The following SLC13A3 variants were observed in gnomAD, a reference collection of about 807,000 sequenced individuals.
The protein encoded by SLC13A3 is Na(+)/dicarboxylate cotransporter 3.
In SLC13A3, 40 loss-of-function variants were observed where a neutral mutation model predicts 59.0. That is an observed-to-expected ratio of 0.68 (90% CI 0.53 to 0.88). The LOEUF (loss-of-function observed/expected upper bound fraction) is 0.88, where lower values mean the gene tolerates loss of function less well. SLC13A3 is among the 40% of genes least tolerant of loss of function. The probability of loss-of-function intolerance (pLI) is 0.00; values close to 1 mark genes in which losing one functional copy is unlikely to be tolerated. For missense variants in SLC13A3, 699 were observed against 783.2 expected, an observed-to-expected ratio of 0.89 and a Z score of 1.28; for synonymous variants, 317 against 330.3, an observed-to-expected ratio of 0.96 and a Z score of 0.44.
At chr20:46,632,834 C>T (rs1201858052) in intron 1 of SLC13A3, among the ~76,000 whole-genome samples, 1 of 151,346 alleles carries the variant, frequency 6.6e-6, no homozygotes, top group African/African-American at 2.4e-5. Flanking sequence ...TCTCTCTCTC[C>T]CTTCCTTCCT....
At chr20:46,566,738 C>T (rs908352343) in intron 10 of SLC13A3, among the ~76,000 whole-genome samples, 12 of 151,912 alleles carry the variant, frequency 7.9e-5, no homozygotes, top group African/African-American at 2.7e-4. Flanking sequence ...CTTCTCATCC[C>T]TCCAGTGAAG....
chr20:46,680,426 A>T lies in SLC13A3; in HGVS notation c.-31+3970T>A, dbSNP rs549414741. Among the ~76,000 whole-genome samples, 9 of 152,224 alleles carry T rather than the reference A, an allele frequency of 5.9e-5. No homozygotes were observed. In the East Asian group the frequency reaches 1.3e-3, roughly 23 times the overall value. On this transcript the variant is annotated intron_variant, in intron 1 of 6. Transcript: ENST00000372121. The stretch of plus-strand genomic sequence containing the variant: ...CTGCTCCACGTACCTCCTTATATGG[A>T]TGCTTGTGGTGGACATGGATGTGCG...
intron 1 of SLC13A3, among the ~76,000 whole-genome samples, chr20:46,624,651 T>C (rs2062650123): frequency 6.6e-6 from 1 of 152,204 alleles, no homozygotes; most frequent in Non-Finnish European, 1.5e-5. Context: ...CATGCACTAT[T>C]TGGGATATAC....
intron 1 of SLC13A3, among the ~76,000 whole-genome samples, chr20:46,619,107 G>A (rs1489891845): frequency 1.3e-5 from 2 of 152,108 alleles, no homozygotes; most frequent in Non-Finnish European, 1.5e-5. Context: ...GTTGTCTCAG[G>A]GTCCTTCTGA....
chr20:46,655,396 C>T (rs981286442), upstream of SLC13A3, among the ~76,000 whole-genome samples: 7 of 149,398 alleles, frequency 4.7e-5, no homozygotes, highest in African/African-American at 1.7e-4. Flanking sequence ...GTTTAATTAG[C>T]TCATGGTTAT....
At chr20:46,601,851 G>C (rs769222095) in intron 3 of SLC13A3, among the ~76,000 whole-genome samples, 1 of 152,120 alleles carries the variant, frequency 6.6e-6, no homozygotes, top group Non-Finnish European at 1.5e-5. Context: ...AGGGGCCAGA[G>C]GGAGGAGAAG....
chr20:46,582,135 T>A (rs900406143), intron 9 of SLC13A3, among the ~76,000 whole-genome samples: 3 of 151,728 alleles, frequency 2.0e-5, no homozygotes, highest in African/African-American at 4.8e-5. Context: ...CAAAAAAAAT[T>A]TTTTTGAGAC....
At chr20:46,660,566 T>C (rs958282554) in intron 1 of SLC13A3, among the ~76,000 whole-genome samples, 1 of 152,216 alleles carries the variant, frequency 6.6e-6, no homozygotes, top group Non-Finnish European at 1.5e-5. Context: ...TTGTAAGATC[T>C]CTTTATCTTT....
At chr20:46,582,692 A>T in intron 9 of SLC13A3, 1 of 985,090 alleles carries the variant, frequency 1.0e-6, no homozygotes, top group Non-Finnish European at 1.2e-6. Flanking sequence ...TACTCCCCAC[A>T]CTCAAACCCT....
At chr20:46,633,003 A>C (rs550868948) in intron 1 of SLC13A3, among the ~76,000 whole-genome samples, 1 of 151,632 alleles carries the variant, frequency 6.6e-6, no homozygotes, top group Admixed American at 6.6e-5. Context: ...TCTATCATCT[A>C]TCTATCTGGA....
intron 1 of SLC13A3, among the ~76,000 whole-genome samples, chr20:46,648,685 G>T (rs187862206): frequency 6.6e-6 from 1 of 152,126 alleles, no homozygotes; most frequent in Admixed American, 6.5e-5. Flanking sequence ...CTGGTGGATC[G>T]CTTGAGTCTA....
upstream of SLC13A3, among the ~76,000 whole-genome samples, chr20:46,670,761 GA>G (rs1246957101): frequency 2.0e-5 from 3 of 152,048 alleles, no homozygotes; most frequent in Admixed American, 6.6e-5. Context: ...GGAATTATGA[GA>G]AATAACAAAA....
At chr20:46,670,243 T>A (rs977572350), upstream of SLC13A3, 2 of 152,248 alleles carry the variant, frequency 1.3e-5, no homozygotes, top group Admixed American at 6.5e-5. Flanking sequence ...GAAGTTGTTA[T>A]GTGGGACATT....
chr20:46,656,286 TGTATATAATATACTATACA>T (rs927789179), upstream of SLC13A3, among the ~76,000 whole-genome samples: 9 of 78,270 alleles, frequency 1.1e-4, 1 homozygote, highest in African/African-American at 3.0e-4. Context: ...TATATTATAC[TGTATATAATATACTATACA>T]GTATATATTA....
At chr20:46,624,691 C>CTGAAATTCAAAG (rs1209813967) in intron 1 of SLC13A3, among the ~76,000 whole-genome samples, 5 of 152,224 alleles carry the variant, frequency 3.3e-5, no homozygotes, top group African/African-American at 1.2e-4. Flanking sequence ...CCTTGTTCAT[C>CTGAAATTCAAAG]TGAAATTCAA....
At chr20:46,658,917 T>C (rs1007014264) in intron 1 of SLC13A3, among the ~76,000 whole-genome samples, 1 of 152,208 alleles carries the variant, frequency 6.6e-6, no homozygotes, top group African/African-American at 2.4e-5. Flanking sequence ...TCTCTCTCTT[T>C]ATCACCATAG....
At chr20:46,583,023 T>A (rs994891345) in intron 9 of SLC13A3, 1 of 985,990 alleles carries the variant, frequency 1.0e-6, no homozygotes, top group East Asian at 1.1e-4. Context: ...AGCTTGTGTT[T>A]TCCATGTGTG....
chr20:46,636,393 T>C (rs2062795745), intron 1 of SLC13A3, among the ~76,000 whole-genome samples: 1 of 152,208 alleles, frequency 6.6e-6, no homozygotes, highest in Non-Finnish European at 1.5e-5. Flanking sequence ...GGTACTCAAT[T>C]GAAATTTTTT....
intron 10 of SLC13A3, among the ~76,000 whole-genome samples, chr20:46,568,330 G>A (rs912933432): frequency 1.5e-4 from 23 of 150,006 alleles, no homozygotes; most frequent in Admixed American, 4.7e-4. Context: ...CCAGGGAAGC[G>A]GAGGTTGCAG....
Sources: allele counts gnomAD v4.1 joint callset (sites outside exome capture counted in the v4.1 genomes callset), GRCh38; gene constraint gnomAD v4.1.1; transcripts MANE v1.5; gene names NCBI Gene and HGNC (gene_info 2026-07-23, HGNC 2026-07-21).